LGR6: variants seen among roughly 807,000 people sequenced by gnomAD.
LGR6 encodes the protein leucine-rich repeat-containing G protein-coupled receptor 6.
In LGR6, 45 loss-of-function variants were observed where a neutral mutation model predicts 69.4. The observed-to-expected ratio is 0.65, with a 90% CI of 0.51 to 0.83. The LOEUF is 0.83. LGR6 is among the 40% of genes least tolerant of loss of function. The pLI, the probability that LGR6 is intolerant of heterozygous loss-of-function variation, is 0.00. For synonymous variants in LGR6, 538 were observed against 555.0 expected (o/e 0.97, Z 0.43); for missense variants, 1,108 against 1,246.7 (o/e 0.89, Z 1.68).
intron 4 of LGR6, among the ~76,000 whole-genome samples, chr1:202,265,884 A>G (rs1256229507): frequency 1.3e-5 from 2 of 152,200 alleles, no homozygotes; most frequent in Non-Finnish European, 2.9e-5. Context: ...GGGTCTTCCC[A>G]TGTAATGGGG....
chr1:202,199,303 C>T (rs1658751423), intron 1 of LGR6, among the ~76,000 whole-genome samples: 1 of 152,012 alleles, frequency 6.6e-6, no homozygotes, highest in Admixed American at 6.5e-5. Flanking sequence ...AGTGGGGTCC[C>T]CTGGGGCTCT....
chr1:202,232,113 A>T (rs1354259666), intron 3 of LGR6, among the ~76,000 whole-genome samples: 1 of 151,596 alleles, frequency 6.6e-6, no homozygotes, highest in Non-Finnish European at 1.5e-5. Flanking sequence ...AAAAAAAAAA[A>T]AAGCATTTTG....
intron 1 of LGR6, among the ~76,000 whole-genome samples, chr1:202,200,418 C>A (rs1223432130): frequency 6.6e-6 from 1 of 152,112 alleles, no homozygotes; most frequent in Non-Finnish European, 1.5e-5. Context: ...CCCTGAGGGG[C>A]CGTGAGGATC....
chr1:202,199,007 A>G (rs1289208564), intron 1 of LGR6, among the ~76,000 whole-genome samples: 2 of 152,104 alleles, frequency 1.3e-5, no homozygotes, highest in Admixed American at 1.3e-4. Flanking sequence ...GTGAGTTCTA[A>G]TCTTCAGTCT....
At chr1:202,197,656 A>G (rs1658693857) in intron 1 of LGR6, among the ~76,000 whole-genome samples, 1 of 152,110 alleles carries the variant, frequency 6.6e-6, no homozygotes, top group Non-Finnish European at 1.5e-5. Context: ...CTGACTTCAT[A>G]ACAAGGTTTG....
At chr1:202,244,105 G>A (rs1266766456) in intron 4 of LGR6, among the ~76,000 whole-genome samples, 1 of 151,990 alleles carries the variant, frequency 6.6e-6, no homozygotes, top group Non-Finnish European at 1.5e-5. Flanking sequence ...CTATAGGTGC[G>A]TTCCACCATG....
intron 4 of LGR6, among the ~76,000 whole-genome samples, chr1:202,264,431 C>T (rs530004231): frequency 9.8e-5 from 15 of 152,316 alleles, no homozygotes; most frequent in Non-Finnish European, 1.5e-4. Flanking sequence ...AGATCTCCAT[C>T]GGCCTCTTCC....
At chr1:202,243,662 TGTG>T (rs1409517350) in intron 4 of LGR6, among the ~76,000 whole-genome samples, 5 of 152,076 alleles carry the variant, frequency 3.3e-5, no homozygotes, top group Admixed American at 2.0e-4. Flanking sequence ...AGGAGGATCT[TGTG>T]GTGACAGGAG....
chr1:202,301,407 T>A (rs1025944554), intron 9 of LGR6, among the ~76,000 whole-genome samples, 172 bp downstream of exon 9: 4 of 152,186 alleles, frequency 2.6e-5, no homozygotes, highest in African/African-American at 9.6e-5. Flanking sequence ...TTCCCACCTC[T>A]TTCTAAATTT....
At chr1:202,231,133 G>A (rs1661005013) in intron 3 of LGR6, among the ~76,000 whole-genome samples, 1 of 152,214 alleles carries the variant, frequency 6.6e-6, no homozygotes, top group Non-Finnish European at 1.5e-5. Flanking sequence ...GTGGCTGGGA[G>A]TTAGCATCTC....
chr1:202,263,953 A>G (rs1210778436), intron 4 of LGR6, among the ~76,000 whole-genome samples: 1 of 152,226 alleles, frequency 6.6e-6, no homozygotes, highest in Admixed American at 6.5e-5. Flanking sequence ...GAAGCCATAG[A>G]TAATTCTGAG....
At chr1:202,244,192 C>T (rs1245281759) in intron 4 of LGR6, among the ~76,000 whole-genome samples, 2 of 152,170 alleles carry the variant, frequency 1.3e-5, no homozygotes, top group South Asian at 2.1e-4. Flanking sequence ...CTCCTGACCT[C>T]GTAATTCGCC....
chr1:202,290,455 A>G (rs1666714962), intron 6 of LGR6, among the ~76,000 whole-genome samples: 1 of 152,212 alleles, frequency 6.6e-6, no homozygotes, highest in African/African-American at 2.4e-5. Flanking sequence ...CCTAGCCAGG[A>G]TCCAACTCTG....
At chr1:202,238,494 G>A (rs573598295) in intron 4 of LGR6, among the ~76,000 whole-genome samples, 3 of 143,410 alleles carry the variant, frequency 2.1e-5, no homozygotes, top group African/African-American at 7.8e-5. Flanking sequence ...TGCGATCTCA[G>A]CTCACTGCAA....
At chr1:202,250,657 G>T (rs187955318) in intron 4 of LGR6, among the ~76,000 whole-genome samples, 1 of 151,994 alleles carries the variant, frequency 6.6e-6, no homozygotes, top group Admixed American at 6.6e-5. Context: ...TGCCCACCTC[G>T]CCTCCTACAG....
intron 1 of LGR6, among the ~76,000 whole-genome samples, chr1:202,204,712 T>C (rs1489395649): frequency 2.1e-4 from 16 of 74,574 alleles, no homozygotes; most frequent in Admixed American, 3.5e-4. Flanking sequence ...CACACACACC[T>C]AACACACACC....
intron 6 of LGR6, among the ~76,000 whole-genome samples, chr1:202,296,676 A>G (rs557002668): frequency 6.6e-6 from 1 of 152,328 alleles, no homozygotes; most frequent in East Asian, 1.9e-4. Context: ...AAAAGAGTTG[A>G]TGGAGTGAAG....
At position 202,318,819 on chromosome 1, in the gene LGR6, G is replaced by A. The variant is rs777927593; in HGVS notation, c.2516G>A (p.Arg839Gln). 7.4e-6 allele frequency: 12 copies of A among 1,613,154 alleles called. No individual in the cohort carries two copies. The highest frequency in any genetic ancestry group is 5.3e-5 in the African/African-American group (4 of 74,944). The change falls in exon 18 of 18, where the codon CGG (arginine) becomes CAG (glutamine). Residue 839 changes from arginine to glutamine, a missense_variant. By Grantham distance (43) the Arg-to-Gln change is conservative (BLOSUM62 1). Transcript: ENST00000367278. ...LFNPHFRDDL[R>Q]RLRPRAGDSG... The stretch of plus-strand genomic sequence containing the variant: ...AACCCCCACTTCCGGGATGACCTTC[G>A]GCGGCTTCGGCCCCGCGCAGGGGAC...
In LGR6 at chr1:202,318,231, G is replaced by T; in HGVS notation, c.1928G>T (p.Arg643Leu). The T allele has an allele frequency of 6.2e-7, 1 of 1,611,778 alleles. No homozygotes were observed. The highest frequency in any genetic ancestry group is 1.7e-5 in the Admixed American group (1 of 59,930). Reference protein sequence around the residue: ...GARWETGLGCRATGFLAVLGS... With the variant: ...GARWETGLGCLATGFLAVLGS... Reference sequence around the variant, plus strand: ...CGCTGGGAGACGGGGCTAGGCTGCCGGGCCACTGGCTTCCTGGCAGTACTT... The same window carrying T: ...CGCTGGGAGACGGGGCTAGGCTGCCTGGCCACTGGCTTCCTGGCAGTACTT... Residue 643 changes from arginine (R) to leucine (L), a missense_variant, in exon 18 of 18, where the codon CGG (arginine) becomes CTG (leucine). Transcript: ENST00000367278.
Sources: gnomAD v4.1 joint callset for allele counts (sites outside exome capture counted in the v4.1 genomes callset) on GRCh38, gnomAD v4.1.1 for gene constraint, MANE v1.5 for transcripts, NCBI Gene and HGNC (gene_info 2026-07-23, HGNC 2026-07-21) for gene names.